PCDH7: variants seen among roughly 807,000 people sequenced by gnomAD.
PCDH7 encodes protocadherin-7.
PCDH7 carries 17 observed loss-of-function variants against 58.9 expected under a neutral mutation model. That is an observed-to-expected ratio of 0.29 (90% CI 0.20 to 0.43). PCDH7 has a LOEUF of 0.43. PCDH7 is among the 20% of genes least tolerant of loss of function. The pLI, the probability that PCDH7 is intolerant of heterozygous loss-of-function variation, is 1.00. For missense variants in PCDH7, 1,274 were observed against 1,441.0 expected, an observed-to-expected ratio of 0.88 and a Z score of 1.88; for synonymous variants, 664 against 616.4, an observed-to-expected ratio of 1.08 and a Z score of -1.14.
At chr4:30,911,018 T>G (rs1741673393) in intron 1 of PCDH7, among the ~76,000 whole-genome samples, 1 of 152,098 alleles carries the variant, frequency 6.6e-6, no homozygotes, top group Non-Finnish European at 1.5e-5. Flanking sequence ...TGGACATGGA[T>G]GAAGTTGGAA....
chr4:30,826,872 C>T (rs1729152765), intron 1 of PCDH7, among the ~76,000 whole-genome samples: 1 of 152,066 alleles, frequency 6.6e-6, no homozygotes, highest in African/African-American at 2.4e-5. Flanking sequence ...ACTACTGGCG[C>T]ACACCACCAT....
intron 1 of PCDH7, among the ~76,000 whole-genome samples, chr4:30,865,892 G>A (rs1268013516): frequency 6.6e-6 from 1 of 152,028 alleles, no homozygotes; most frequent in Non-Finnish European, 1.5e-5. Flanking sequence ...AATGCTGGAA[G>A]GAAGATGCCT....
In PCDH7 at chr4:30,951,369, T is replaced by A. The variant is rs1747349795; in HGVS notation, c.*7+1154T>A. Among the ~76,000 whole-genome samples, 3 of 152,172 alleles carry A rather than the reference T, an allele frequency of 2.0e-5. No homozygotes were observed. The South Asian group carries it at 6.2e-4, about 31-fold the overall frequency. On this transcript the variant is annotated intron_variant, in intron 3 of 3. Coordinates refer to the PCDH7 transcript ENST00000509759. ...TGTTAGTCTGGACCATTAATCTTCA[T>A]TTAGAAATGTATGGCTTTCTATTAG...
chr4:30,969,921 G>A (rs541055133), intron 3 of PCDH7, among the ~76,000 whole-genome samples: 1 of 152,086 alleles, frequency 6.6e-6, no homozygotes, highest in Non-Finnish European at 1.5e-5. Flanking sequence ...AATTAAAGAG[G>A]TAAGTATTAT....
chr4:31,112,841 C>T (rs1233392846), intron 3 of PCDH7, among the ~76,000 whole-genome samples: 2 of 152,056 alleles, frequency 1.3e-5, no homozygotes, highest in Admixed American at 6.6e-5. Flanking sequence ...ATTCCCTCTG[C>T]CCATCCTTTT....
intron 3 of PCDH7, among the ~76,000 whole-genome samples, chr4:31,107,792 T>C (rs534184883): frequency 6.6e-6 from 1 of 152,306 alleles, no homozygotes; most frequent in South Asian, 2.1e-4. Context: ...ACTTTCATTT[T>C]TTCTATGTTA....
chr4:30,998,152 T>C (rs1477062541), intron 3 of PCDH7, among the ~76,000 whole-genome samples: 1 of 152,146 alleles, frequency 6.6e-6, no homozygotes, highest in African/African-American at 2.4e-5. Flanking sequence ...ATGTGCTCAT[T>C]TATTAAATAA....
At chr4:30,784,368 T>C (rs996612173) in intron 1 of PCDH7, among the ~76,000 whole-genome samples, 1 of 152,194 alleles carries the variant, frequency 6.6e-6, no homozygotes, top group Admixed American at 6.5e-5. Flanking sequence ...TAGTACACCA[T>C]TGCATTTGTT....
At chr4:30,906,245 C>T (rs371647048) in intron 1 of PCDH7, among the ~76,000 whole-genome samples, 20 of 152,088 alleles carry the variant, frequency 1.3e-4, no homozygotes, top group East Asian at 1.9e-4. Flanking sequence ...TATACTCTTA[C>T]GGTTTCAAAG....
chr4:30,782,101 ATATT>A (rs1345007347), intron 1 of PCDH7, among the ~76,000 whole-genome samples: 1 of 152,098 alleles, frequency 6.6e-6, no homozygotes, highest in African/African-American at 2.4e-5. Context: ...GATAGAATAT[ATATT>A]TGTGAATTTA....
chr4:30,933,940 T>G (rs1351940615), intron 2 of PCDH7, among the ~76,000 whole-genome samples: 6 of 152,218 alleles, frequency 3.9e-5, no homozygotes, highest in African/African-American at 1.4e-4. Context: ...AATCTAACCA[T>G]ACATAATCTT....
intron 1 of PCDH7, among the ~76,000 whole-genome samples, chr4:30,851,723 G>A (rs185808567): frequency 1.3e-5 from 2 of 152,100 alleles, no homozygotes; most frequent in Admixed American, 6.6e-5. Flanking sequence ...CCACTACTGA[G>A]TGTAGTAAAG....
At chr4:31,132,035 G>C (rs969877034) in intron 3 of PCDH7, among the ~76,000 whole-genome samples, 10 of 152,012 alleles carry the variant, frequency 6.6e-5, no homozygotes, top group Non-Finnish European at 1.5e-4. Context: ...ATAATAAATA[G>C]AAAATAACAC....
intron 3 of PCDH7, among the ~76,000 whole-genome samples, chr4:31,009,244 G>A (rs1362080591): frequency 6.6e-6 from 1 of 152,036 alleles, no homozygotes; most frequent in Non-Finnish European, 1.5e-5. Context: ...AGATTAGCAG[G>A]ACAGTATTTC....
At chr4:31,088,242 T>A (rs2109280294) in intron 3 of PCDH7, among the ~76,000 whole-genome samples, 1 of 152,180 alleles carries the variant, frequency 6.6e-6, no homozygotes, top group Non-Finnish European at 1.5e-5. Flanking sequence ...ATTGTTATTA[T>A]CTATTTAGAG....
intron 1 of PCDH7, among the ~76,000 whole-genome samples, chr4:30,821,399 G>A (rs1307009769): frequency 6.6e-6 from 1 of 152,222 alleles, no homozygotes; most frequent in Non-Finnish European, 1.5e-5. Context: ...TTTAGATGTG[G>A]GAGGAAAGAT....
chr4:30,908,256 G>A (rs377610767), intron 1 of PCDH7, among the ~76,000 whole-genome samples: 64 of 121,018 alleles, frequency 5.3e-4, no homozygotes, highest in African/African-American at 1.7e-3. Context: ...AAAAAAAAAA[G>A]AAGAAAAGAA....
chr4:30,900,089 T>G (rs929867294), intron 1 of PCDH7, among the ~76,000 whole-genome samples: 3 of 152,138 alleles, frequency 2.0e-5, no homozygotes, highest in African/African-American at 7.2e-5. Flanking sequence ...TCCCAAGAGA[T>G]CACCAGACAC....
At chr4:30,899,925 C>CAAT (rs1020280026) in intron 1 of PCDH7, among the ~76,000 whole-genome samples, 6 of 151,978 alleles carry the variant, frequency 3.9e-5, no homozygotes, top group Non-Finnish European at 8.8e-5. Context: ...TTGATAATAA[C>CAAT]AATAATAATA....
Sources: allele counts gnomAD v4.1 joint callset (sites outside exome capture counted in the v4.1 genomes callset), GRCh38; gene constraint gnomAD v4.1.1; transcripts MANE v1.5; gene names NCBI Gene and HGNC (gene_info 2026-07-23, HGNC 2026-07-21).